LRRTM4: variants seen among roughly 807,000 people sequenced by gnomAD.
The protein encoded by LRRTM4 is leucine rich repeat transmembrane neuronal 4.
Under a neutral mutation model 47.6 loss-of-function variants are expected in LRRTM4, and 25 were observed. The ratio of observed to expected loss-of-function variants is 0.53; its 90% CI spans 0.38 to 0.73. The LOEUF is 0.73. LRRTM4 is among the 30% of genes least tolerant of loss of function. The probability of loss-of-function intolerance (pLI) is 0.00; values close to 1 mark genes in which losing one functional copy is unlikely to be tolerated. For missense variants in LRRTM4, 638 were observed against 713.4 expected (o/e 0.89, Z 1.20); for synonymous variants, 311 against 269.5 (o/e 1.15, Z -1.51).
At chr2:77,039,255 G>GT (rs935193501) in intron 3 of LRRTM4, among the ~76,000 whole-genome samples, 10 of 151,068 alleles carry the variant, frequency 6.6e-5, no homozygotes, top group African/African-American at 2.4e-4. Context: ...GATACAGGCT[G>GT]TAAGTCTGAG....
chr2:77,244,309 T>G lies in LRRTM4; in HGVS notation c.1551+274009A>C, dbSNP rs953978646. ...CCAGTAATGGGATGGCTGGGTTAAA[T>G]GGTATTTCTAGTTCTAGATCCCTGA... On this transcript the variant is annotated intron_variant, in intron 3 of 3. Coordinates refer to ENST00000409884, the MANE Select transcript of LRRTM4 (RefSeq NM_001134745.3). Among the ~76,000 whole-genome samples, 3 of 150,348 alleles carry G rather than the reference T, an allele frequency of 2.0e-5. No individual in the cohort carries two copies. In the Admixed American group the frequency reaches 2.0e-4, roughly 10 times the overall value.
chr2:77,408,884 AG>A (rs1286488922), intron 3 of LRRTM4, among the ~76,000 whole-genome samples: 4 of 152,258 alleles, frequency 2.6e-5, no homozygotes, highest in African/African-American at 9.6e-5. Flanking sequence ...AACAGTCAAA[AG>A]AATGTGTCAT....
Position 77,519,175 on chromosome 2 carries a change from G to C in LRRTM4, c.694C>G (p.Arg232Gly). Reference sequence around the variant, plus strand: ...CTGTTCCATTGTAAGTAAATTGAGCGGAGGTTGAAGAGACGTGGAAAATGA... The same window carrying C: ...CTGTTCCATTGTAAGTAAATTGAGCCGAGGTTGAAGAGACGTGGAAAATGA... The part of the protein sequence containing the change: ...FAHFPRLFNL[R>G]SIYLQWNRIR... Residue 232 changes from arginine (R) to glycine (G), a missense_variant, in exon 3 of 4, where the codon CGC becomes GGC. Physicochemically the swap from Arg to Gly is moderately radical, Grantham distance 125. Transcript: ENST00000409884. This position sits in a 1 kb window ranked among gnomAD's most constrained non-coding sequence, Gnocchi z 4.6. The C allele has an allele frequency of 6.2e-7, 1 of 1,613,242 alleles. No individual in the cohort carries two copies. Among genetic ancestry groups the C allele is most frequent in the Non-Finnish European group, 8.5e-7 (1 of 1,179,572 alleles).
At chr2:76,773,448 T>G (rs1673802917) in intron 3 of LRRTM4, among the ~76,000 whole-genome samples, 1 of 152,194 alleles carries the variant, frequency 6.6e-6, no homozygotes, top group Non-Finnish European at 1.5e-5. Context: ...CTCATAACAT[T>G]TCAGTGAAAG....
intron 3 of LRRTM4, among the ~76,000 whole-genome samples, chr2:77,080,065 T>G (rs1680481720): frequency 6.6e-6 from 1 of 152,204 alleles, no homozygotes; most frequent in Non-Finnish European, 1.5e-5. Flanking sequence ...GGATTTTATC[T>G]CAACAGGACT....
chr2:76,820,476 G>C lies in LRRTM4; in HGVS notation c.1552-71560C>G, dbSNP rs117861706. On this transcript the variant is annotated intron_variant, in intron 3 of 3. Transcript: ENST00000409884. ...GGAAGTAGGAGTGAAGGCAAAACAA[G>C]AATCTAAGATAAATCACTGTTTTCC... 3.9e-3 allele frequency among the ~76,000 whole-genome samples: 595 copies of C among 151,544 alleles called. 25 individuals are homozygous for C. In the East Asian group the frequency reaches 0.077, roughly 20 times the overall value.
At chr2:77,020,475 G>A (rs184230609) in intron 3 of LRRTM4, among the ~76,000 whole-genome samples, 8 of 151,962 alleles carry the variant, frequency 5.3e-5, no homozygotes, top group Admixed American at 2.6e-4. Context: ...ACACAAAAAG[G>A]TTTCTAAGAA....
chr2:77,199,161 C>A (rs1673909048), intron 3 of LRRTM4, among the ~76,000 whole-genome samples: 1 of 152,106 alleles, frequency 6.6e-6, no homozygotes, highest in African/African-American at 2.4e-5. Flanking sequence ...AAATTGTTCT[C>A]TGAACACATT....
intron 3 of LRRTM4, among the ~76,000 whole-genome samples, chr2:77,502,260 AG>A (rs1182381662): frequency 1.3e-5 from 2 of 151,572 alleles, no homozygotes; most frequent in East Asian, 3.9e-4. Context: ...CAATTGTTTT[AG>A]AAAAAAGATA....
chr2:76,875,675 G>A (rs890604617), intron 3 of LRRTM4, among the ~76,000 whole-genome samples: 1 of 152,068 alleles, frequency 6.6e-6, no homozygotes, highest in East Asian at 1.9e-4. Flanking sequence ...ATATTTTCTA[G>A]AACTATCTTA....
At chr2:76,856,410 G>T (rs1672152555) in intron 3 of LRRTM4, among the ~76,000 whole-genome samples, 1 of 152,054 alleles carries the variant, frequency 6.6e-6, no homozygotes. Context: ...TGTTAAGAAG[G>T]TCTCTCATAT....
At chr2:77,400,728 C>T (rs1055336016) in intron 3 of LRRTM4, among the ~76,000 whole-genome samples, 3 of 151,800 alleles carry the variant, frequency 2.0e-5, no homozygotes, top group African/African-American at 7.2e-5. Flanking sequence ...TTGCTCTCTC[C>T]TCTTAACACA....
At chr2:76,937,666 G>A (rs78740843) in intron 3 of LRRTM4, among the ~76,000 whole-genome samples, 2,859 of 152,142 alleles carry the variant, frequency 0.019, 73 homozygotes, top group East Asian at 0.082. Context: ...CCTCCCGTGG[G>A]CAAGCGATTC....
Position 77,339,077 on chromosome 2 carries a change from A to G in LRRTM4, c.1551+179241T>C, listed in dbSNP as rs191506078. On this transcript the variant is annotated intron_variant, in intron 3 of 3. Transcript: ENST00000409884. ...GTACAAAAACATAAAGTTGGGAACA[A>G]TAGATACAGGGACTCCAAAAAGAGG... Among the ~76,000 whole-genome samples, 101 of 152,020 alleles carry G rather than the reference A, an allele frequency of 6.6e-4. 1 individual carries two copies. Among genetic ancestry groups the G allele is most frequent in the East Asian group, 1.9e-3 (10 of 5,164 alleles).
chr2:77,361,716 T>C (rs955041310), intron 3 of LRRTM4, among the ~76,000 whole-genome samples: 2 of 152,230 alleles, frequency 1.3e-5, no homozygotes, highest in Non-Finnish European at 2.9e-5. Flanking sequence ...GGTTGAAGTC[T>C]GGATGCCCCC....
intron 3 of LRRTM4, among the ~76,000 whole-genome samples, chr2:77,225,666 G>T (rs1248003168): frequency 6.6e-6 from 1 of 152,018 alleles, no homozygotes; most frequent in Non-Finnish European, 1.5e-5. Flanking sequence ...ATGTAAATGA[G>T]TAATTATTAT....
chr2:77,015,730 A>T (rs970378762), intron 3 of LRRTM4, among the ~76,000 whole-genome samples: 5 of 152,164 alleles, frequency 3.3e-5, no homozygotes, highest in Non-Finnish European at 2.9e-5. Flanking sequence ...AAGTGGATAG[A>T]AAAAAGGGGA....
chr2:76,999,037 G>A (rs1407839417), intron 3 of LRRTM4, among the ~76,000 whole-genome samples: 1 of 152,028 alleles, frequency 6.6e-6, no homozygotes, highest in Non-Finnish European at 1.5e-5. Flanking sequence ...GTCTCATCCT[G>A]AAGTTTTTGA....
At chr2:76,903,017 T>C (rs1305179546) in intron 3 of LRRTM4, among the ~76,000 whole-genome samples, 1 of 152,144 alleles carries the variant, frequency 6.6e-6, no homozygotes, top group Non-Finnish European at 1.5e-5. Context: ...ATTCCACAAT[T>C]TCTCAATTCA....
Sources: allele counts gnomAD v4.1 joint callset (sites outside exome capture counted in the v4.1 genomes callset), GRCh38; gene constraint gnomAD v4.1.1; non-coding constraint Gnocchi (gnomAD v3.1); transcripts MANE v1.5; gene names NCBI Gene and HGNC (gene_info 2026-07-23, HGNC 2026-07-21).